HABP4: variants seen among roughly 807,000 people sequenced by gnomAD.
HABP4 encodes the protein hyaluronan binding protein 4, also known as intracellular hyaluronan-binding protein 4.
A neutral mutation model predicts 44.1 loss-of-function variants in HABP4; 32 were observed. The observed-to-expected ratio is 0.73, with a 90% confidence interval of 0.55 to 0.97. The LOEUF is 0.97. Ranked by LOEUF, HABP4 falls within the 50% of genes least tolerant of loss-of-function variation. The probability of loss-of-function intolerance (pLI) is 0.00; values close to 1 mark genes in which losing one functional copy is unlikely to be tolerated. For missense variants in HABP4, 503 were observed against 561.9 expected, an observed-to-expected ratio of 0.90 and a Z score of 1.06; for synonymous variants, 216 against 218.0, an observed-to-expected ratio of 0.99 and a Z score of 0.08.
chr9:96,459,605 G>A (rs1330565713), intron 2 of HABP4, among the ~76,000 whole-genome samples: 1 of 152,194 alleles, frequency 6.6e-6, no homozygotes, highest in Non-Finnish European at 1.5e-5. Context: ...GACTAGAATA[G>A]TGAACAGTTA....
At chr9:96,467,425 T>C (rs991876810) in intron 4 of HABP4, among the ~76,000 whole-genome samples, 7 of 152,136 alleles carry the variant, frequency 4.6e-5, no homozygotes, top group Admixed American at 3.3e-4. Context: ...AATTTTGTTT[T>C]ATTTTACTTT....
intron 4 of HABP4, among the ~76,000 whole-genome samples, chr9:96,466,992 G>A (rs1384274850): frequency 6.8e-6 from 1 of 147,898 alleles, no homozygotes; most frequent in African/African-American, 2.5e-5. Flanking sequence ...GCGCGATCTC[G>A]GCTCACTGCA....
intron 1 of HABP4, among the ~76,000 whole-genome samples, chr9:96,457,029 A>G (rs1158662515): frequency 1.3e-5 from 2 of 151,850 alleles, no homozygotes; most frequent in Non-Finnish European, 2.9e-5. Flanking sequence ...GGCTTCAAAC[A>G]TAGACTTTGC....
intron 4 of HABP4, among the ~76,000 whole-genome samples, chr9:96,470,027 TCA>T (rs1482573796): frequency 6.6e-6 from 1 of 152,200 alleles, no homozygotes; most frequent in African/African-American, 2.4e-5. Context: ...TAAGAAATAC[TCA>T]GTTTTTTGTG....
At chr9:96,466,741 A>G (rs1177683615) in intron 4 of HABP4, among the ~76,000 whole-genome samples, 1 of 152,040 alleles carries the variant, frequency 6.6e-6, no homozygotes. Context: ...GAGTGGATAC[A>G]TGGTTCTGCT....
intron 2 of HABP4, among the ~76,000 whole-genome samples, chr9:96,460,771 A>G (rs1832487794): frequency 6.6e-6 from 1 of 152,246 alleles, no homozygotes; most frequent in Admixed American, 6.5e-5. Context: ...TTTGGCAGGA[A>G]TGCCACAGAA....
At chr9:96,457,292 G>A (rs1166282861) in intron 1 of HABP4, among the ~76,000 whole-genome samples, 1 of 151,992 alleles carries the variant, frequency 6.6e-6, no homozygotes, top group Non-Finnish European at 1.5e-5. Context: ...AGTGAGCCGA[G>A]ATCGGGCCAT....
At chr9:96,476,051 G>T (rs908953806) in intron 5 of HABP4, among the ~76,000 whole-genome samples, 10 of 152,074 alleles carry the variant, frequency 6.6e-5, no homozygotes. Context: ...TTGATGTTTT[G>T]TATCTTTCTT....
chr9:96,472,275 T>G (rs16910858), intron 5 of HABP4, among the ~76,000 whole-genome samples: 35,285 of 152,066 alleles, frequency 0.23, 5,098 homozygotes, highest in African/African-American at 0.41. Flanking sequence ...CGGTCACTGA[T>G]ATTCTGAAAC....
intron 5 of HABP4, among the ~76,000 whole-genome samples, chr9:96,481,800 A>G (rs1832884169): frequency 6.6e-6 from 1 of 152,174 alleles, no homozygotes; most frequent in East Asian, 1.9e-4. Context: ...GGTTTGGGGT[A>G]TGTTACATTA....
intron 4 of HABP4, among the ~76,000 whole-genome samples, chr9:96,466,442 C>G (rs1159895550): frequency 1.3e-5 from 2 of 152,114 alleles, no homozygotes; most frequent in African/African-American, 4.8e-5. Flanking sequence ...CACTATGTTG[C>G]CCACACTGGT....
intron 5 of HABP4, 55 bp downstream of exon 5, chr9:96,471,149 C>CTTT: frequency 1.7e-5 from 13 of 773,206 alleles, no homozygotes; most frequent in Non-Finnish European, 1.7e-5. Context: ...TTAATGATTT[C>CTTT]TTTTTTTTTT....
Position 96,490,360 on chromosome 9 carries a change from A to C in HABP4, c.*322A>C. ...GGAGGGAAAGGAGGTTGTAAAATAGACTCCATGGAGACTCTTAGGAAGCAG... is the reference window on the plus strand; with the variant it reads ...GGAGGGAAAGGAGGTTGTAAAATAGCCTCCATGGAGACTCTTAGGAAGCAG... On this transcript the variant is annotated 3_prime_UTR_variant, in exon 8 of 8. Transcript: ENST00000375249. 1 of 257,370 alleles carries C rather than the reference A, an allele frequency of 3.9e-6. No homozygotes were observed. Among genetic ancestry groups the C allele is most frequent in the South Asian group, 9.2e-5 (1 of 10,928 alleles). 15.9% of individuals were successfully genotyped at this position (257,370 alleles called of 1,614,324 possible).
In HABP4 at chr9:96,488,185, C is replaced by T. The variant is rs748661409; in HGVS notation, c.1096C>T (p.Arg366Cys). The T allele has an allele frequency of 2.5e-6, 4 of 1,613,068 alleles. No individual in the cohort carries two copies. The highest frequency in any genetic ancestry group is 1.3e-5 in the African/African-American group (1 of 74,912). The change falls in exon 7 of 8, where the codon CGT becomes TGT. Residue 366 changes from arginine to cysteine, a missense_variant. By Grantham distance (180) the Arg-to-Cys change is radical (BLOSUM62 -3). Around this residue, in one of 3 missense-constraint regions of HABP4, gnomAD observed 82 missense variants for 71.6 expected, o/e 1.15. Coordinates refer to ENST00000375249, the MANE Select transcript of HABP4 (RefSeq NM_014282.4). The surrounding 1 kb of genome is among the most constrained non-coding windows in gnomAD (Gnocchi z 4.6). ...QLEINFGNLP[R>C]PGRGARGGTR... is the part of the protein sequence containing the mutation. ...GGAGATTAATTTTGGTAACCTCCCT[C>T]GTCCTGGGCGTGGAGCCAGAGGAGG...
chr9:96,474,447 T>A (rs1832747348), intron 5 of HABP4, among the ~76,000 whole-genome samples: 1 of 152,234 alleles, frequency 6.6e-6, no homozygotes, highest in South Asian at 2.1e-4. Context: ...CTAGTATTCA[T>A]AATATTAGAC....
intron 6 of HABP4, among the ~76,000 whole-genome samples, chr9:96,486,884 G>A (rs982992962): frequency 6.6e-6 from 1 of 151,960 alleles, no homozygotes; most frequent in Non-Finnish European, 1.5e-5. Context: ...CCACTGCCCC[G>A]AGGCCCTTCC....
Position 96,458,522 on chromosome 9 carries a change from G to A in HABP4, c.493G>A (p.Glu165Lys), listed in dbSNP as rs748532478. ...ETERQADFTA[E>K]KFPDEKPGDR... ...AGAGAGGCAGGCAGACTTCACAGCT[G>A]AGAAGTTTCCAGATGAAAAGTATGT... The change falls in exon 2 of 8, where the codon GAG (glutamate) becomes AAG (lysine). Residue 165 changes from glutamate (E) to lysine (K), a missense_variant. This residue lies in a region of HABP4 where 290 missense variants were observed against 300.5 expected (regional missense o/e 0.97). Transcript: ENST00000375249. 1 of 1,613,366 alleles carries A rather than the reference G, an allele frequency of 6.2e-7. No homozygotes were observed. Among genetic ancestry groups the A allele is most frequent in the Non-Finnish European group, 8.5e-7 (1 of 1,179,344 alleles).
At chr9:96,459,871 A>G (rs1832469237) in intron 2 of HABP4, among the ~76,000 whole-genome samples, 3 of 152,250 alleles carry the variant, frequency 2.0e-5, no homozygotes, top group African/African-American at 7.2e-5. Flanking sequence ...TCTATCTGCA[A>G]CCATGTTGGA....
chr9:96,481,239 G>A (rs113992629), intron 5 of HABP4, among the ~76,000 whole-genome samples: 22 of 152,040 alleles, frequency 1.4e-4, no homozygotes, highest in Middle Eastern at 3.4e-3. Flanking sequence ...GATTACAGGC[G>A]TGTGCCACCA....
Sources: gnomAD v4.1 joint callset for allele counts (sites outside exome capture counted in the v4.1 genomes callset) on GRCh38, gnomAD v4.1.1 for gene constraint, gnomAD v4.1.1 regional missense constraint, Gnocchi (gnomAD v3.1) non-coding constraint, MANE v1.5 for transcripts, NCBI Gene and HGNC (gene_info 2026-07-23, HGNC 2026-07-21) for gene names.